The following C1GALT1 variants were observed in gnomAD, a reference collection of about 807,000 sequenced individuals.
C1GALT1 encodes the protein core 1 synthase, glycoprotein-N-acetylgalactosamine 3-beta-galactosyltransferase 1.
C1GALT1 carries 11 observed loss-of-function variants against 31.0 expected under a neutral mutation model. The observed-to-expected ratio is 0.36, with a 90% CI of 0.22 to 0.59. The LOEUF (loss-of-function observed/expected upper bound fraction) is 0.59. Ranked by LOEUF, C1GALT1 falls within the 20% of genes least tolerant of loss-of-function variation. The pLI is 0.79. For synonymous variants in C1GALT1, 175 were observed against 143.6 expected (o/e 1.22, Z -1.56); for missense variants, 424 against 425.2 (o/e 1.00, Z 0.03).
intron 1 of C1GALT1, among the ~76,000 whole-genome samples, chr7:7,196,722 C>T (rs71602089): frequency 0.031 from 4,717 of 152,228 alleles, 164 homozygotes; most frequent in African/African-American, 0.085. Flanking sequence ...CTCTCCAGCA[C>T]CTGTTGTTTC....
chr7:7,159,425 C>G (rs532300769), intron 2 of C1GALT1, among the ~76,000 whole-genome samples: 1 of 151,660 alleles, frequency 6.6e-6, no homozygotes, highest in East Asian at 1.9e-4. Context: ...AGAAAGAAAA[C>G]AGGAAGAGGA....
At chr7:7,242,977 A>G (rs562068962) in intron 3 of C1GALT1, among the ~76,000 whole-genome samples, 1 of 152,284 alleles carries the variant, frequency 6.6e-6, no homozygotes, top group South Asian at 2.1e-4. Context: ...ATACTAGCCC[A>G]CAAAATTTGG....
chr7:7,198,494 C>CT (rs1281328968), intron 1 of C1GALT1, among the ~76,000 whole-genome samples: 5 of 151,906 alleles, frequency 3.3e-5, no homozygotes, highest in Non-Finnish European at 5.9e-5. Context: ...CTAAAATTCT[C>CT]TTTTTTTTAT....
intron 2 of C1GALT1, among the ~76,000 whole-genome samples, chr7:7,163,400 T>G (rs1220740373): frequency 6.6e-6 from 1 of 152,132 alleles, no homozygotes; most frequent in Non-Finnish European, 1.5e-5. Context: ...CTTTGAAAAC[T>G]GGCACAAGAC....
rs1341620643 is a variant in C1GALT1 at position 7,244,789 on chromosome 7, C to G, written c.*1062C>G. On this transcript the variant is annotated 3_prime_UTR_variant, in exon 4 of 4. Coordinates refer to ENST00000436587, the MANE Select transcript of C1GALT1 (RefSeq NM_020156.5). ...CTGAGGTGGCTATTAGTTACAGTGG[C>G]AAGATTATTTAGAAAGCAAGATTTT... 1.3e-5 allele frequency: 2 copies of G among 151,908 alleles called. No individual in the cohort carries two copies. Among genetic ancestry groups the G allele is most frequent in the African/African-American group, 4.8e-5 (2 of 41,332 alleles). The allele number at this position is 151,908 out of a possible 1,614,324, so 9.4% of individuals were successfully genotyped here. A position where few individuals can be genotyped will look rare whatever the true frequency, so the allele number is the denominator to read the frequency against.
chr7:7,223,153 C>T (rs1435262951), intron 1 of C1GALT1, among the ~76,000 whole-genome samples: 1 of 151,928 alleles, frequency 6.6e-6, no homozygotes, highest in Non-Finnish European at 1.5e-5. Context: ...GCATAATTAT[C>T]ACAGACAGGT....
intron 1 of C1GALT1, among the ~76,000 whole-genome samples, chr7:7,189,794 G>T (rs1010747719): frequency 2.0e-5 from 3 of 151,900 alleles, no homozygotes; most frequent in African/African-American, 7.3e-5. Flanking sequence ...TTTTCTTCCA[G>T]TTTTGTTTTA....
chr7:7,214,620 G>A (rs1782147244), intron 1 of C1GALT1, among the ~76,000 whole-genome samples: 1 of 152,134 alleles, frequency 6.6e-6, no homozygotes, highest in Non-Finnish European at 1.5e-5. Flanking sequence ...GCTTAATCAG[G>A]TAATGACTCA....
At chr7:7,158,021 G>A (rs1309024035) in intron 2 of C1GALT1, among the ~76,000 whole-genome samples, 1 of 152,152 alleles carries the variant, frequency 6.6e-6, no homozygotes, top group South Asian at 2.1e-4. Flanking sequence ...AGTTGCTGTT[G>A]CATTAACTTA....
intron 3 of C1GALT1, among the ~76,000 whole-genome samples, chr7:7,241,055 C>T (rs1783604802): frequency 6.6e-6 from 1 of 151,638 alleles, no homozygotes; most frequent in Non-Finnish European, 1.5e-5. Flanking sequence ...AGAGAAGTTG[C>T]AGTGAGTCTT....
At chr7:7,205,015 G>A (rs1562572263) in intron 1 of C1GALT1, among the ~76,000 whole-genome samples, 1 of 152,186 alleles carries the variant, frequency 6.6e-6, no homozygotes, top group African/African-American at 2.4e-5. Flanking sequence ...TTGTTAGGCA[G>A]AATGTTCAGT....
chr7:7,240,011 C>T (rs535408982), intron 3 of C1GALT1, among the ~76,000 whole-genome samples: 2 of 152,288 alleles, frequency 1.3e-5, no homozygotes, highest in South Asian at 2.1e-4. Flanking sequence ...TTAGGCAAGT[C>T]ACTAGTTCTC....
At chr7:7,202,789 A>T (rs982187593) in intron 1 of C1GALT1, among the ~76,000 whole-genome samples, 2 of 152,170 alleles carry the variant, frequency 1.3e-5, no homozygotes, top group Non-Finnish European at 2.9e-5. Context: ...TAGGAACTGC[A>T]TTGAATCTGT....
At position 7,234,376 on chromosome 7, in the gene C1GALT1, A is replaced by T. The variant is rs1783238207; in HGVS notation, c.57A>T (p.Gly19=). 2 of 1,613,812 alleles carry T rather than the reference A, an allele frequency of 1.2e-6. No homozygotes were observed. Among genetic ancestry groups the T allele is most frequent in the Admixed American group, 1.7e-5 (1 of 59,990 alleles). ...FLTFLCGSAI[G]FLLCSQLFSI... is the part of the protein sequence containing the mutation. ...CCTTCCTCTGTGGATCAGCAATAGG[A>T]TTTCTTTTATGTTCTCAGCTATTTA... The change falls in exon 2 of 4, where the codon GGA becomes GGT. Residue 19 remains glycine (G), a synonymous_variant. Transcript: ENST00000436587.
chr7:7,158,954 C>T (rs978191144), intron 2 of C1GALT1, among the ~76,000 whole-genome samples: 2 of 152,088 alleles, frequency 1.3e-5, no homozygotes, highest in African/African-American at 4.8e-5. Context: ...AGACAACGAG[C>T]AGGGTTCTTG....
chr7:7,188,009 C>CAG (rs34466298), intron 1 of C1GALT1, among the ~76,000 whole-genome samples: 42,353 of 151,772 alleles, frequency 0.28, 6,436 homozygotes, highest in East Asian at 0.42. Flanking sequence ...ATTCTGGTGA[C>CAG]GGGGTATGAG....
intron 1 of C1GALT1, among the ~76,000 whole-genome samples, chr7:7,217,599 A>G (rs1390475590): frequency 5.3e-5 from 8 of 152,216 alleles, no homozygotes; most frequent in Non-Finnish European, 8.8e-5. Flanking sequence ...ACTTCTTTAA[A>G]AGCTTTGAGA....
At chr7:7,240,479 C>A (rs1029830684) in intron 3 of C1GALT1, among the ~76,000 whole-genome samples, 3 of 152,044 alleles carry the variant, frequency 2.0e-5, no homozygotes, top group African/African-American at 7.2e-5. Flanking sequence ...ATATTTTGAC[C>A]ATTCCAAGAT....
At chr7:7,232,637 G>A (rs928152796) in intron 1 of C1GALT1, among the ~76,000 whole-genome samples, 1 of 151,996 alleles carries the variant, frequency 6.6e-6, no homozygotes, top group African/African-American at 2.4e-5. Context: ...TTACAGGCAC[G>A]TACCACAACG....
Sources: gnomAD v4.1 joint callset for allele counts (sites outside exome capture counted in the v4.1 genomes callset) on GRCh38, gnomAD v4.1.1 for gene constraint, MANE v1.5 for transcripts, NCBI Gene and HGNC (gene_info 2026-07-23, HGNC 2026-07-21) for gene names.